Variants in CCDC138 observed in about 807,000 individuals in gnomAD.
CCDC138 encodes coiled-coil domain-containing protein 138.
CCDC138 carries 66 observed loss-of-function variants against 82.3 expected under a neutral mutation model. That is an observed-to-expected ratio of 0.80 (90% CI 0.66 to 0.98). CCDC138 has a LOEUF of 0.98. CCDC138 is among the 50% of genes least tolerant of loss of function. The pLI is 0.00. For synonymous variants in CCDC138, 297 were observed against 265.4 expected (o/e 1.12, Z -1.16); for missense variants, 816 against 758.9 (o/e 1.08, Z -0.88).
intron 10 of CCDC138, among the ~76,000 whole-genome samples, chr2:108,824,803 A>T (rs1574084184): frequency 6.6e-6 from 1 of 152,168 alleles, no homozygotes; most frequent in Non-Finnish European, 1.5e-5. Flanking sequence ...ACACATGAAT[A>T]ATTTACTGCC....
intron 2 of CCDC138, chr2:108,884,940 T>C (rs1156625400): frequency 1.3e-5 from 2 of 152,254 alleles, no homozygotes; most frequent in Non-Finnish European, 2.9e-5. Flanking sequence ...AGCAGTGGCT[T>C]CTGGAATTTC....
intron 13 of CCDC138, among the ~76,000 whole-genome samples, chr2:108,861,698 C>G (rs1263382549): frequency 1.3e-5 from 2 of 152,074 alleles, no homozygotes; most frequent in Non-Finnish European, 2.9e-5. Flanking sequence ...CCAGACTGGT[C>G]TCGAACTCCT....
At chr2:108,857,275 CA>C (rs760390571) in intron 13 of CCDC138, among the ~76,000 whole-genome samples, 10 of 151,986 alleles carry the variant, frequency 6.6e-5, no homozygotes, top group Non-Finnish European at 1.2e-4. Flanking sequence ...GACGGGGTTT[CA>C]CCATGTTGGC....
chr2:108,808,436 C>A (rs1683219801), intron 7 of CCDC138, among the ~76,000 whole-genome samples: 1 of 152,078 alleles, frequency 6.6e-6, no homozygotes, highest in South Asian at 2.1e-4. Flanking sequence ...AACCTGAATA[C>A]TTGTGTTTTT....
intron 11 of CCDC138, among the ~76,000 whole-genome samples, chr2:108,842,562 T>C (rs1265684316): frequency 6.6e-6 from 1 of 151,966 alleles, no homozygotes; most frequent in African/African-American, 2.4e-5. Flanking sequence ...TTCTAGGAGG[T>C]AGTCACTGTG....
At chr2:108,804,865 A>T (rs1350175528) in intron 6 of CCDC138, 24 bp from the exon 7 acceptor site, 2 of 1,484,804 alleles carry the variant, frequency 1.3e-6, no homozygotes, top group Non-Finnish European at 1.8e-6. Context: ...GTTTTAGATG[A>T]GAGTTTTTTT....
At chr2:108,822,205 A>G (rs547380139) in intron 10 of CCDC138, among the ~76,000 whole-genome samples, 4 of 152,356 alleles carry the variant, frequency 2.6e-5, no homozygotes, top group Non-Finnish European at 4.4e-5. Context: ...AACTGTTACA[A>G]GAGACAAAGG....
intron 10 of CCDC138, among the ~76,000 whole-genome samples, chr2:108,824,170 A>T (rs989223436): frequency 1.4e-4 from 21 of 151,850 alleles, no homozygotes; most frequent in African/African-American, 4.6e-4. Flanking sequence ...AGAAAAAAAA[A>T]TTTTTTCTTC....
At chr2:108,854,010 A>T (rs1267215018) in intron 12 of CCDC138, among the ~76,000 whole-genome samples, 9 of 99,442 alleles carry the variant, frequency 9.1e-5, no homozygotes, top group Non-Finnish European at 1.6e-4. Context: ...TATTATATAT[A>T]ATATATAATA....
At chr2:108,824,191 T>A (rs1686187973) in intron 10 of CCDC138, among the ~76,000 whole-genome samples, 1 of 152,178 alleles carries the variant, frequency 6.6e-6, no homozygotes, top group East Asian at 1.9e-4. Flanking sequence ...ATTAACAAAT[T>A]AAGCTTAGCT....
intron 11 of CCDC138, among the ~76,000 whole-genome samples, chr2:108,843,779 G>A (rs931698317): frequency 2.0e-5 from 3 of 147,938 alleles, no homozygotes; most frequent in Non-Finnish European, 4.5e-5. Flanking sequence ...AGTTTCTTCA[G>A]TCTCTGGGCA....
chr2:108,816,835 A>G (rs537325714), intron 10 of CCDC138, among the ~76,000 whole-genome samples: 2 of 152,310 alleles, frequency 1.3e-5, no homozygotes, highest in South Asian at 4.1e-4. Flanking sequence ...TAGGGTCTAC[A>G]GGTATACACC....
At chr2:108,848,414 A>G (rs1690860005) in intron 12 of CCDC138, among the ~76,000 whole-genome samples, 1 of 152,202 alleles carries the variant, frequency 6.6e-6, no homozygotes, top group Non-Finnish European at 1.5e-5. Flanking sequence ...GAGACTCTGT[A>G]TTAATCGAGG....
chr2:108,845,012 C>T (rs1178732207), intron 11 of CCDC138, among the ~76,000 whole-genome samples: 1 of 151,960 alleles, frequency 6.6e-6, no homozygotes, highest in African/African-American at 2.4e-5. Context: ...TCCCAAAGTG[C>T]TGGGATTACA....
intron 13 of CCDC138, among the ~76,000 whole-genome samples, chr2:108,870,052 G>A (rs1695004595): frequency 6.6e-6 from 1 of 152,174 alleles, no homozygotes; most frequent in South Asian, 2.1e-4. Context: ...TGAAATCAGG[G>A]AAGTGATACA....
chr2:108,836,629 T>C (rs56921164), intron 10 of CCDC138, among the ~76,000 whole-genome samples: 6,282 of 152,304 alleles, frequency 0.041, 437 homozygotes, highest in African/African-American at 0.14. Context: ...AGAGATGACA[T>C]TGAATCTGTA....
At chr2:108,874,693 A>G (rs1290530482) in intron 14 of CCDC138, among the ~76,000 whole-genome samples, 5 of 152,146 alleles carry the variant, frequency 3.3e-5, no homozygotes, top group Non-Finnish European at 7.3e-5. Flanking sequence ...TAACATGCCT[A>G]GTAGAGGATT....
intron 6 of CCDC138, among the ~76,000 whole-genome samples, chr2:108,800,257 A>G (rs1489524030): frequency 6.6e-6 from 1 of 152,002 alleles, no homozygotes; most frequent in African/African-American, 2.4e-5. Context: ...TTTAGGCCTC[A>G]CTTTTTTTGT....
chr2:108,791,151 T>G (rs1368655310), intron 3 of CCDC138, among the ~76,000 whole-genome samples: 1 of 152,160 alleles, frequency 6.6e-6, no homozygotes, highest in Admixed American at 6.5e-5. Context: ...ATTTATTTTT[T>G]TAACGTGCTA....
Sources: allele counts gnomAD v4.1 joint callset (sites outside exome capture counted in the v4.1 genomes callset), GRCh38; gene constraint gnomAD v4.1.1; transcripts MANE v1.5; gene names NCBI Gene and HGNC (gene_info 2026-07-23, HGNC 2026-07-21).